Variants in MPP7 observed in about 807,000 individuals in gnomAD.
MPP7 encodes MAGUK p55 subfamily member 7.
Under a neutral mutation model 76.5 loss-of-function variants are expected in MPP7, and 60 were observed. The ratio of observed to expected loss-of-function variants is 0.78; its 90% CI spans 0.64 to 0.97. The LOEUF (loss-of-function observed/expected upper bound fraction) is 0.97, where lower values mean the gene tolerates loss of function less well. Ranked by LOEUF, MPP7 falls within the 50% of genes least tolerant of loss-of-function variation. MPP7 has a pLI of 0.00. For synonymous variants in MPP7, 237 were observed against 244.5 expected (o/e 0.97, Z 0.29); for missense variants, 641 against 694.0 (o/e 0.92, Z 0.86).
rs567009074 is a variant in MPP7 at position 28,052,790 on chromosome 10, T to A, written c.*1275A>T. The A allele has an allele frequency of 1.6e-4, 25 of 152,336 alleles. No homozygotes were observed. The East Asian group carries it at 2.9e-3, about 18-fold the overall frequency. The allele number at this position is 152,336 out of a possible 1,614,324, so 9.4% of individuals were successfully genotyped here. A position where few individuals can be genotyped will look rare whatever the true frequency, so the allele number is the denominator to read the frequency against. On this transcript the variant is annotated 3_prime_UTR_variant, in exon 17 of 17. Coordinates refer to ENST00000683449, the MANE Select transcript of MPP7 (RefSeq NM_001318170.2). ...AATCAACAAAAAAATAACATTTTTTTTTCCACTTTGAAAGTCACAGATGCA... is the reference window on the plus strand; with the variant it reads ...AATCAACAAAAAAATAACATTTTTTATTCCACTTTGAAAGTCACAGATGCA...
chr10:28,079,397 A>T (rs1324866534), intron 12 of MPP7, among the ~76,000 whole-genome samples: 6 of 152,060 alleles, frequency 3.9e-5, no homozygotes, highest in Non-Finnish European at 8.8e-5. Context: ...TTGCACCTGT[A>T]ATCCCAGTTA....
chr10:28,117,470 T>C (rs776639277), intron 11 of MPP7, among the ~76,000 whole-genome samples: 1 of 152,134 alleles, frequency 6.6e-6, no homozygotes, highest in Non-Finnish European at 1.5e-5. Context: ...ACTTGCTGTT[T>C]TTCTTCATGG....
At chr10:28,082,541 C>T (rs921872727) in intron 12 of MPP7, among the ~76,000 whole-genome samples, 16 of 152,106 alleles carry the variant, frequency 1.1e-4, no homozygotes, top group African/African-American at 3.6e-4. Flanking sequence ...TCTGTAATCT[C>T]TAATTCACTG....
chr10:28,197,493 A>G (rs112373455), intron 3 of MPP7, among the ~76,000 whole-genome samples: 33 of 152,210 alleles, frequency 2.2e-4, no homozygotes, highest in African/African-American at 6.5e-4. Flanking sequence ...TAACCTGAGC[A>G]ACTCCTATAC....
At chr10:28,234,961 C>T (rs1489616515) in intron 2 of MPP7, among the ~76,000 whole-genome samples, 1 of 152,210 alleles carries the variant, frequency 6.6e-6, no homozygotes, top group Non-Finnish European at 1.5e-5. Context: ...TAGGCACATG[C>T]CACTATGGCC....
Position 28,316,435 on chromosome 10 carries a change from TAAAAAA to T in MPP7, c.-132+13488_-132+13493del, listed in dbSNP as rs549621404. On this transcript the variant is annotated intron_variant, in intron 2 of 11. Transcript: ENST00000441595. Reference sequence around the variant, plus strand: ...GGGCAACAGAGTAAGACTCTGTCTTTAAAAAAAAAAAAAAAAAAAAAAAAAAAAAAA... The same window carrying T: ...GGGCAACAGAGTAAGACTCTGTCTTTAAAAAAAAAAAAAAAAAAAAAAAAA... Among the ~76,000 whole-genome samples, 26 of 37,142 alleles carry T rather than the reference TAAAAAA, an allele frequency of 7.0e-4. 1 individual carries two copies. The highest frequency in any genetic ancestry group is 1.6e-3 in the East Asian group (2 of 1,262). 24.4% of individuals were successfully genotyped at this position (37,142 alleles called of 152,430 possible).
chr10:28,332,586 G>A (rs1834481700), intron 1 of MPP7, among the ~76,000 whole-genome samples: 2 of 152,108 alleles, frequency 1.3e-5, no homozygotes, highest in Admixed American at 6.6e-5. Context: ...CAGGTTTTGA[G>A]CACTTAAATT....
intron 5 of MPP7, among the ~76,000 whole-genome samples, chr10:28,137,451 T>C (rs1166185559): frequency 1.3e-5 from 2 of 152,230 alleles, no homozygotes; most frequent in Admixed American, 1.3e-4. Context: ...ATCTTGCACA[T>C]AGTAAAACAG....
intron 3 of MPP7, among the ~76,000 whole-genome samples, chr10:28,189,721 A>T (rs1315982439): frequency 6.6e-6 from 1 of 152,060 alleles, no homozygotes; most frequent in African/African-American, 2.4e-5. Flanking sequence ...ATGGTCAACT[A>T]AAAGCAGAGA....
At chr10:28,056,678 T>G (rs1338266686) in intron 15 of MPP7, 55 bp from the exon 16 acceptor site, 2 of 1,454,066 alleles carry the variant, frequency 1.4e-6, no homozygotes, top group African/African-American at 1.5e-5. Context: ...CATGAATTAC[T>G]GAATTTTCTT....
At chr10:28,111,086 AG>A (rs1254468456) in intron 11 of MPP7, among the ~76,000 whole-genome samples, 1 of 152,162 alleles carries the variant, frequency 6.6e-6, no homozygotes, top group East Asian at 1.9e-4. Context: ...TAGACTATGC[AG>A]GGTAACTTAT....
chr10:28,133,892 T>C (rs1342191010), intron 5 of MPP7, among the ~76,000 whole-genome samples: 2 of 152,156 alleles, frequency 1.3e-5, no homozygotes, highest in Non-Finnish European at 2.9e-5. Flanking sequence ...GTAGAAGGAA[T>C]TCATTTTTCA....
chr10:28,190,052 G>A (rs990014842), intron 3 of MPP7, among the ~76,000 whole-genome samples: 2 of 152,034 alleles, frequency 1.3e-5, no homozygotes, highest in Non-Finnish European at 2.9e-5. Flanking sequence ...TGGCAAATTG[G>A]CAGAACTAGA....
intron 5 of MPP7, among the ~76,000 whole-genome samples, 155 bp downstream of exon 5, chr10:28,147,328 G>A (rs1835741090): frequency 6.6e-6 from 1 of 152,048 alleles, no homozygotes; most frequent in Non-Finnish European, 1.5e-5. Context: ...TCAAAAGCTC[G>A]CCTCTTTCTC....
intron 1 of MPP7, among the ~76,000 whole-genome samples, chr10:28,332,196 A>AACTT (rs1481151635): frequency 6.6e-6 from 1 of 151,674 alleles, no homozygotes; most frequent in African/African-American, 2.4e-5. Flanking sequence ...CGTTTTAAGC[A>AACTT]ACTTAGATAA....
At position 28,126,183 on chromosome 10, in the gene MPP7, C is replaced by G. The variant is rs144822653; in HGVS notation, c.448-1092G>C. Among the ~76,000 whole-genome samples, 1,197 of 152,328 alleles carry G rather than the reference C, an allele frequency of 7.9e-3. 17 individuals carry two copies. Among genetic ancestry groups the G allele is most frequent in the African/African-American group, 0.027 (1,121 of 41,572 alleles). ...GAATTAAGTGACAGGCATTTTACGG[C>G]ATTTTTCATCACCTGTGCATGTATT... On this transcript the variant is annotated intron_variant, in intron 6 of 16. Coordinates refer to ENST00000683449, the MANE Select transcript of MPP7 (RefSeq NM_001318170.2).
intron 2 of MPP7, among the ~76,000 whole-genome samples, chr10:28,204,283 A>C (rs1588920846): frequency 6.6e-6 from 1 of 152,092 alleles, no homozygotes; most frequent in Admixed American, 6.6e-5. Context: ...TCTCTACTAA[A>C]AATACAAAAA....
chr10:28,275,844 A>C (rs1048889457), intron 1 of MPP7, among the ~76,000 whole-genome samples: 1 of 151,976 alleles, frequency 6.6e-6, no homozygotes, highest in Non-Finnish European at 1.5e-5. Context: ...TAGGTCTCCA[A>C]CTCACTGGTT....
At chr10:28,084,953 A>G (rs73606050) in intron 12 of MPP7, among the ~76,000 whole-genome samples, 5,156 of 152,250 alleles carry the variant, frequency 0.034, 274 homozygotes, top group African/African-American at 0.11. Flanking sequence ...GGAGACCTAC[A>G]TTGGAAACTC....
Sources: allele counts gnomAD v4.1 joint callset (sites outside exome capture counted in the v4.1 genomes callset), GRCh38; gene constraint gnomAD v4.1.1; transcripts MANE v1.5; gene names NCBI Gene and HGNC (gene_info 2026-07-23, HGNC 2026-07-21).